The following VEGFC variants were observed in gnomAD, a reference collection of about 807,000 sequenced individuals.
VEGFC encodes the protein FLT4 ligand DHM.
Under a neutral mutation model 46.1 loss-of-function variants are expected in VEGFC, and 12 were observed. The ratio of observed to expected loss-of-function variants is 0.26; its 90% CI spans 0.17 to 0.42. The LOEUF is 0.42. VEGFC is among the 10% of genes least tolerant of loss of function. The pLI, the probability that VEGFC is intolerant of heterozygous loss-of-function variation, is 1.00. For synonymous variants in VEGFC, 232 were observed against 195.5 expected (o/e 1.19, Z -1.56); for missense variants, 488 against 529.4 (o/e 0.92, Z 0.77).
chr4:176,705,244 C>T (rs1734513481), intron 4 of VEGFC, among the ~76,000 whole-genome samples: 1 of 151,950 alleles, frequency 6.6e-6, no homozygotes, highest in South Asian at 2.1e-4. Flanking sequence ...TCTAGGGGAT[C>T]GCTACTTAAT....
intron 1 of VEGFC, among the ~76,000 whole-genome samples, chr4:176,763,275 C>T (rs1000290253): frequency 1.4e-4 from 22 of 152,104 alleles, no homozygotes; most frequent in Admixed American, 5.9e-4. Flanking sequence ...TCAAAAAGCA[C>T]GCCATTTCTA....
chr4:176,730,956 T>C (rs1372460525), intron 1 of VEGFC, among the ~76,000 whole-genome samples: 1 of 152,130 alleles, frequency 6.6e-6, no homozygotes, highest in Non-Finnish European at 1.5e-5. Context: ...ATGAAATGTG[T>C]TGTTCCCTAT....
chr4:176,717,200 C>G lies in VEGFC; in HGVS notation c.553-5550G>C, dbSNP rs563620936. 5.5e-4 allele frequency among the ~76,000 whole-genome samples: 83 copies of G among 151,856 alleles called. 1 individual carries two copies. In the South Asian group the frequency reaches 0.011, roughly 21 times the overall value. On this transcript the variant is annotated intron_variant, in intron 3 of 6. Coordinates refer to ENST00000618562, the MANE Select transcript of VEGFC (RefSeq NM_005429.5). ...AATTCATTATGAAGCCTGACATATA[C>G]TTTAGGCATATAATACCAGTTGTTG...
intron 1 of VEGFC, among the ~76,000 whole-genome samples, chr4:176,758,346 A>G (rs1735469137): frequency 6.6e-6 from 1 of 152,276 alleles, no homozygotes; most frequent in Admixed American, 6.5e-5. Context: ...GCCACACTTC[A>G]GTCACCTCAC....
intron 1 of VEGFC, among the ~76,000 whole-genome samples, chr4:176,778,139 T>A (rs1290117884): frequency 6.6e-6 from 1 of 152,066 alleles, no homozygotes; most frequent in Non-Finnish European, 1.5e-5. Context: ...ACAATTATGA[T>A]CACTGAGATG....
At chr4:176,768,491 C>CATATATATATATATATATAT (rs145504348) in intron 1 of VEGFC, among the ~76,000 whole-genome samples, 8,332 of 99,906 alleles carry the variant, frequency 0.083, 761 homozygotes, top group East Asian at 0.14. Context: ...ATGTTTTATA[C>CATATATATATATATATATAT]ATATATATAT....
intron 1 of VEGFC, among the ~76,000 whole-genome samples, chr4:176,734,828 T>C (rs1735027276): frequency 6.6e-6 from 1 of 151,766 alleles, no homozygotes; most frequent in Admixed American, 6.6e-5. Context: ...GGGAAAACAA[T>C]CAACAGACTT....
At chr4:176,774,321 T>C (rs1735774245) in intron 1 of VEGFC, among the ~76,000 whole-genome samples, 1 of 152,046 alleles carries the variant, frequency 6.6e-6, no homozygotes, top group Non-Finnish European at 1.5e-5. Flanking sequence ...CCAGCAAAAA[T>C]TATGAGAATT....
intron 4 of VEGFC, among the ~76,000 whole-genome samples, chr4:176,691,333 G>A (rs1021033830): frequency 7.2e-5 from 11 of 152,102 alleles, no homozygotes; most frequent in African/African-American, 2.7e-4. Context: ...TTTGTATAGT[G>A]TATTTATAAA....
At chr4:176,738,921 T>C (rs1735103361) in intron 1 of VEGFC, among the ~76,000 whole-genome samples, 1 of 151,848 alleles carries the variant, frequency 6.6e-6, no homozygotes, top group Non-Finnish European at 1.5e-5. Flanking sequence ...CTATCATTGA[T>C]GGGCAATGAT....
chr4:176,695,010 G>A (rs1249512137), intron 4 of VEGFC, among the ~76,000 whole-genome samples: 2 of 128,274 alleles, frequency 1.6e-5, no homozygotes, highest in East Asian at 2.1e-4. Flanking sequence ...AGCACTAAAT[G>A]CCCACAAGAG....
intron 1 of VEGFC, among the ~76,000 whole-genome samples, chr4:176,764,298 C>A (rs1450906755): frequency 6.6e-6 from 1 of 152,050 alleles, no homozygotes; most frequent in East Asian, 1.9e-4. Context: ...ACAGAGTTAA[C>A]AAAAGTGAGA....
Position 176,684,036 on chromosome 4 carries a change from A to T in VEGFC, c.1150T>A (p.Tyr384Asn), listed in dbSNP as rs1733991005. The change falls in exon 7 of 7, where the codon TAC becomes AAC. Residue 384 changes from tyrosine (Y) to asparagine (N), a missense_variant. Tyr to Asn is a moderately radical substitution (Grantham distance 143). Coordinates refer to ENST00000618562, the MANE Select transcript of VEGFC (RefSeq NM_005429.5). Reference sequence around the variant, plus strand: ...TGGCGGTTCGTACATGGCCGTCTGTAACAGCTAGGAGAACAAACAAGAACA... The same window carrying T: ...TGGCGGTTCGTACATGGCCGTCTGTTACAGCTAGGAGAACAAACAAGAACA... The part of the protein sequence containing the change: ...KKFHHQTCSC[Y>N]RRPCTNRQKA... The T allele has an allele frequency of 6.2e-7, 1 of 1,613,150 alleles. No individual in the cohort carries two copies. Among genetic ancestry groups the T allele is most frequent in the African/African-American group, 1.3e-5 (1 of 75,048 alleles).
chr4:176,767,517 C>T (rs185558203), intron 1 of VEGFC, among the ~76,000 whole-genome samples: 59 of 152,282 alleles, frequency 3.9e-4, no homozygotes, highest in Admixed American at 5.9e-4. Context: ...TAGCACTATT[C>T]GCTCACCTTG....
intron 1 of VEGFC, among the ~76,000 whole-genome samples, chr4:176,768,413 A>C (rs1735665870): frequency 6.6e-6 from 1 of 150,844 alleles, no homozygotes. Flanking sequence ...CACTGAGGTA[A>C]AATGAGTGCA....
At chr4:176,726,624 C>T (rs1200404716) in intron 3 of VEGFC, among the ~76,000 whole-genome samples, 2 of 151,942 alleles carry the variant, frequency 1.3e-5, no homozygotes, top group Admixed American at 1.3e-4. Context: ...ACTCAGAGGC[C>T]AAATGATCGT....
At position 176,727,779 on chromosome 4, in the gene VEGFC, G is replaced by T; in HGVS notation, c.551C>A (p.Thr184Lys). ...GTAGCAGGAATGGGCAATACCCACC[G>T]TCTTGCTGAGGTAGCTCGTGCTGGT... Reference protein sequence around the residue: ...MNTSTSYLSKTLFEITVPLSQ... With the variant: ...MNTSTSYLSKKLFEITVPLSQ... The change falls in exon 3 of 7, where the codon ACG becomes AAG. Residue 184 changes from threonine to lysine, a missense_variant and splice_region_variant. By Grantham distance (78) the Thr-to-Lys change is moderately conservative. Coordinates refer to ENST00000618562, the MANE Select transcript of VEGFC (RefSeq NM_005429.5). 1 of 1,612,300 alleles carries T rather than the reference G, an allele frequency of 6.2e-7. No individual in the cohort carries two copies. Among genetic ancestry groups the T allele is most frequent in the Non-Finnish European group, 8.5e-7 (1 of 1,178,962 alleles).
chr4:176,700,427 G>C (rs1579093669), intron 4 of VEGFC, among the ~76,000 whole-genome samples: 1 of 151,826 alleles, frequency 6.6e-6, no homozygotes, highest in Non-Finnish European at 1.5e-5. Flanking sequence ...AAAAAAAAAG[G>C]GTGTTTATAT....
intron 1 of VEGFC, among the ~76,000 whole-genome samples, chr4:176,783,440 T>C (rs1735947950): frequency 6.6e-6 from 1 of 152,246 alleles, no homozygotes; most frequent in African/African-American, 2.4e-5. Context: ...ATAGATGAGA[T>C]ATTTACACAT....
Sources: gnomAD v4.1 joint callset for allele counts (sites outside exome capture counted in the v4.1 genomes callset) on GRCh38, gnomAD v4.1.1 for gene constraint, MANE v1.5 for transcripts, NCBI Gene and HGNC (gene_info 2026-07-23, HGNC 2026-07-21) for gene names.